The following CASR variants were observed in gnomAD, a reference collection of about 807,000 sequenced individuals.
CASR encodes calcium sensing receptor.
A neutral mutation model predicts 69.1 loss-of-function variants in CASR; 23 were observed. The observed-to-expected ratio is 0.33, with a 90% CI of 0.24 to 0.47. CASR has a LOEUF of 0.47. Among genes scored for constraint, CASR ranks in the 20% least tolerant of loss-of-function variants. CASR has a pLI of 1.00. For synonymous variants in CASR, 541 were observed against 544.7 expected (o/e 0.99, Z 0.10); for missense variants, 924 against 1,356.1 (o/e 0.68, Z 5.00).
chr3:122,253,487 C>T (rs945583035), intron 1 of CASR, among the ~76,000 whole-genome samples: 2 of 152,256 alleles, frequency 1.3e-5, no homozygotes, highest in Admixed American at 6.5e-5. Flanking sequence ...AGGTTATCCA[C>T]CTGCCTCAGC....
At chr3:122,250,824 G>A (rs2074475233) in intron 1 of CASR, among the ~76,000 whole-genome samples, 1 of 152,128 alleles carries the variant, frequency 6.6e-6, no homozygotes, top group South Asian at 2.1e-4. Context: ...GTTGAATTTA[G>A]AGAAAAAGTT....
At chr3:122,245,200 C>G (rs6438716) in intron 1 of CASR, among the ~76,000 whole-genome samples, 152,321 of 152,324 alleles carry the variant, frequency 1, 76,159 homozygotes, top group Middle Eastern at 1. Context: ...TCCATAAATA[C>G]TTGTTATACT....
In CASR at chr3:122,231,789, A is replaced by G. The variant is rs150778531; in HGVS notation, c.-242-22159A>G. 3.7e-3 allele frequency among the ~76,000 whole-genome samples: 563 copies of G among 151,990 alleles called. 2 individuals carry two copies. The highest frequency in any genetic ancestry group is 0.014 in the Middle Eastern group (4 of 294). ...AAAAAAAAATCAAAGAACTCTCAGG[A>G]CTATCTCATTTTATAGCCTTTTTCA... On this transcript the variant is annotated intron_variant, in intron 1 of 6. Coordinates refer to ENST00000639785, the MANE Select transcript of CASR (RefSeq NM_000388.4).
intron 1 of CASR, among the ~76,000 whole-genome samples, chr3:122,188,241 T>C (rs1576810488): frequency 6.6e-6 from 1 of 152,206 alleles, no homozygotes; most frequent in African/African-American, 2.4e-5. Context: ...ACCATGGCGG[T>C]CATGGCAGCA....
At chr3:122,200,925 T>G (rs147905957) in intron 1 of CASR, among the ~76,000 whole-genome samples, 1 of 152,102 alleles carries the variant, frequency 6.6e-6, no homozygotes, top group East Asian at 1.9e-4. Context: ...AGTATATGCT[T>G]CTTCTCTTTG....
intron 1 of CASR, among the ~76,000 whole-genome samples, chr3:122,212,737 GT>G (rs889752651): frequency 1.3e-5 from 2 of 151,514 alleles, no homozygotes; most frequent in African/African-American, 4.9e-5. Flanking sequence ...CGCTTCCCAA[GT>G]TCAAGCAATT....
At chr3:122,205,129 G>A (rs182263899) in intron 1 of CASR, among the ~76,000 whole-genome samples, 25 of 152,042 alleles carry the variant, frequency 1.6e-4, no homozygotes, top group African/African-American at 5.8e-4. Flanking sequence ...TGCTTATGAA[G>A]TCTTACCCAA....
intron 1 of CASR, among the ~76,000 whole-genome samples, chr3:122,213,764 A>C (rs532673801): frequency 1.3e-5 from 2 of 152,318 alleles, no homozygotes; most frequent in African/African-American, 4.8e-5. Flanking sequence ...ACCTAGCTGA[A>C]TTACTGAAAT....
chr3:122,198,895 C>A (rs954287575), intron 1 of CASR, among the ~76,000 whole-genome samples: 2 of 151,906 alleles, frequency 1.3e-5, no homozygotes, highest in African/African-American at 4.8e-5. Flanking sequence ...CCTGTATTCC[C>A]AAATTCAGCT....
intron 1 of CASR, among the ~76,000 whole-genome samples, chr3:122,216,556 A>C (rs546123585): frequency 1.1e-4 from 17 of 152,350 alleles, no homozygotes; most frequent in Admixed American, 3.9e-4. Flanking sequence ...GGTTTCTCAG[A>C]GTTCTTATGC....
Position 122,189,427 on chromosome 3 carries a change from A to G in CASR, c.-243+5615A>G, listed in dbSNP as rs527951704. Among the ~76,000 whole-genome samples the G allele has an allele frequency of 3.3e-5, 5 of 152,356 alleles. No homozygotes were observed. The South Asian group carries it at 1.0e-3, about 32-fold the overall frequency. On this transcript the variant is annotated intron_variant, in intron 1 of 6. Coordinates refer to ENST00000639785, the MANE Select transcript of CASR (RefSeq NM_000388.4). ...TCCTCACATTGAAAAAGCAGGAAGC[A>G]TGCAGATTTCTTGGGTTAAGTAACC...
intron 1 of CASR, among the ~76,000 whole-genome samples, chr3:122,229,269 C>T (rs2074257114): frequency 6.6e-6 from 1 of 152,216 alleles, no homozygotes; most frequent in Admixed American, 6.5e-5. Flanking sequence ...AAAATCAGGC[C>T]ACTCTTCTTG....
chr3:122,252,409 AAAAG>A lies in CASR; in HGVS notation c.-242-1503_-242-1500del, dbSNP rs1553765627. 2.8e-3 allele frequency among the ~76,000 whole-genome samples: 18 copies of A among 6,472 alleles called. 2 individuals carry two copies. Among genetic ancestry groups the A allele is most frequent in the Middle Eastern group, 0.083 (1 of 12 alleles). The allele number at this position is 6,472 out of a possible 152,430, so 4.2% of individuals were successfully genotyped here. A position where few individuals can be genotyped will look rare whatever the true frequency, so the allele number is the denominator to read the frequency against. On this transcript the variant is annotated intron_variant, in intron 1 of 6. Transcript: ENST00000639785. ...AAGGAAGGAAGGAAGGAAGGAAGGA[AAAAG>A]AAAGAAAGAAAGAAAGAAAGAAAGA... is the stretch of plus-strand genomic sequence containing the variant.
At chr3:122,266,921 T>A (rs1250973408) in intron 4 of CASR, among the ~76,000 whole-genome samples, 2 of 152,124 alleles carry the variant, frequency 1.3e-5, no homozygotes, top group East Asian at 3.9e-4. Context: ...GGAGAATTGC[T>A]TGAACCTAGA....
Position 122,290,328 on chromosome 3 carries a change from A to T in CASR, c.*5137A>T, listed in dbSNP as rs4678176. 2.6e-5 allele frequency: 4 copies of T among 152,158 alleles called. No homozygotes were observed. The South Asian group carries it at 8.3e-4, about 32-fold the overall frequency. 9.4% of individuals were successfully genotyped at this position (152,158 alleles called of 1,614,324 possible). A position where few individuals can be genotyped will look rare whatever the true frequency, so the allele number is the denominator to read the frequency against. On this transcript the variant is annotated 3_prime_UTR_variant, in exon 7 of 7. Coordinates refer to ENST00000639785, the MANE Select transcript of CASR (RefSeq NM_000388.4). ...CAAGAATAAACCCTGGGGTCATTAC[A>T]GGATTTCCTGTAAAGGCATCAGGAA...
chr3:122,274,038 C>T (rs2107642040), intron 4 of CASR, among the ~76,000 whole-genome samples: 1 of 152,318 alleles, frequency 6.6e-6, no homozygotes, highest in African/African-American at 2.4e-5. Context: ...GGTTGTCAAC[C>T]ATCAGAGAAG....
At chr3:122,217,537 A>C (rs1404502806) in intron 1 of CASR, among the ~76,000 whole-genome samples, 2 of 152,214 alleles carry the variant, frequency 1.3e-5, no homozygotes, top group Admixed American at 1.3e-4. Flanking sequence ...ACGAGTAGGA[A>C]TAATGTAACA....
At chr3:122,209,482 C>T (rs1370899585) in intron 1 of CASR, among the ~76,000 whole-genome samples, 1 of 152,172 alleles carries the variant, frequency 6.6e-6, no homozygotes. Flanking sequence ...CAAGGAGGAG[C>T]AGGTCGCATC....
chr3:122,266,747 A>G (rs1312698753), intron 4 of CASR, among the ~76,000 whole-genome samples: 2 of 152,154 alleles, frequency 1.3e-5, no homozygotes, highest in Admixed American at 1.3e-4. Flanking sequence ...GCTCACACCT[A>G]TAGTCTCAAC....
Sources: allele counts gnomAD v4.1 joint callset (sites outside exome capture counted in the v4.1 genomes callset), GRCh38; gene constraint gnomAD v4.1.1; transcripts MANE v1.5; gene names NCBI Gene and HGNC (gene_info 2026-07-23, HGNC 2026-07-21).